Variants in STXBP5L observed in about 807,000 individuals in gnomAD.
The protein encoded by STXBP5L is syntaxin binding protein 5L, also known as syntaxin-binding protein 5-like.
In STXBP5L, 65 loss-of-function variants were observed where a neutral mutation model predicts 144.5. That is an observed-to-expected ratio of 0.45 (90% CI 0.37 to 0.55). The LOEUF is 0.55. Ranked by LOEUF, STXBP5L falls within the 20% of genes least tolerant of loss-of-function variation. STXBP5L has a pLI of 0.00. For synonymous variants in STXBP5L, 505 were observed against 469.6 expected (o/e 1.08, Z -0.97); for missense variants, 1,298 against 1,405.5 (o/e 0.92, Z 1.22).
intron 17 of STXBP5L, among the ~76,000 whole-genome samples, chr3:121,257,815 C>T (rs1444384762): frequency 1.3e-5 from 2 of 152,094 alleles, no homozygotes; most frequent in African/African-American, 4.8e-5. Flanking sequence ...GCTCCAGCTT[C>T]TAGGGAGGCT....
chr3:121,281,396 A>G (rs996701060), intron 19 of STXBP5L, among the ~76,000 whole-genome samples: 1 of 152,052 alleles, frequency 6.6e-6, no homozygotes, highest in African/African-American at 2.4e-5. Context: ...GTACATTCAC[A>G]TAACGTGAGG....
chr3:121,176,987 A>G (rs2046962224), intron 9 of STXBP5L, among the ~76,000 whole-genome samples: 1 of 151,972 alleles, frequency 6.6e-6, no homozygotes, highest in Non-Finnish European at 1.5e-5. Flanking sequence ...TGAAAGACCT[A>G]CTTTGTGTCT....
chr3:121,019,703 C>T lies in STXBP5L; in HGVS notation c.288-21997C>T, dbSNP rs77747508. Among the ~76,000 whole-genome samples the T allele has an allele frequency of 1.2e-4, 18 of 152,286 alleles. No individual in the cohort carries two copies. The East Asian group carries it at 3.3e-3, about 28-fold the overall frequency. ...ATCGCACAGTTTGGCTCTCAGGAAGCTCCACCGCAGGAGAAAGTGGAGAGC... is the reference window on the plus strand; with the variant it reads ...ATCGCACAGTTTGGCTCTCAGGAAGTTCCACCGCAGGAGAAAGTGGAGAGC... On this transcript the variant is annotated intron_variant, in intron 3 of 26. Coordinates refer to ENST00000471454, the MANE Select transcript of STXBP5L (RefSeq NM_001308330.2).
At chr3:120,937,354 A>G (rs929354794) in intron 2 of STXBP5L, among the ~76,000 whole-genome samples, 1 of 152,200 alleles carries the variant, frequency 6.6e-6, no homozygotes, top group Non-Finnish European at 1.5e-5. Context: ...GGTAAAACTC[A>G]CAAAAGTGTA....
intron 18 of STXBP5L, among the ~76,000 whole-genome samples, chr3:121,262,368 G>A (rs529701511): frequency 9.2e-5 from 14 of 152,312 alleles, no homozygotes; most frequent in Admixed American, 4.6e-4. Flanking sequence ...AGTGGCTTAC[G>A]CCTGTAATCC....
At chr3:121,214,226 T>A (rs897566716) in intron 10 of STXBP5L, among the ~76,000 whole-genome samples, 1 of 152,242 alleles carries the variant, frequency 6.6e-6, no homozygotes, top group South Asian at 2.1e-4. Context: ...ACTGTGATCT[T>A]AGTTATTTCT....
At chr3:121,411,489 A>T (rs1184607087) in intron 23 of STXBP5L, among the ~76,000 whole-genome samples, 1 of 152,144 alleles carries the variant, frequency 6.6e-6, no homozygotes, top group African/African-American at 2.4e-5. Flanking sequence ...AAAGGCAATG[A>T]GACTGGTTTT....
At chr3:121,016,660 A>G (rs558474488) in intron 3 of STXBP5L, among the ~76,000 whole-genome samples, 2 of 152,340 alleles carry the variant, frequency 1.3e-5, no homozygotes, top group South Asian at 2.1e-4. Flanking sequence ...GGACTACCAG[A>G]AGCAGAAGAA....
At chr3:121,072,518 C>T (rs916240127) in intron 5 of STXBP5L, among the ~76,000 whole-genome samples, 35 of 152,210 alleles carry the variant, frequency 2.3e-4, no homozygotes, top group Non-Finnish European at 1.0e-4. Flanking sequence ...ATTGCTTCTG[C>T]GATGGCAAGC....
At chr3:121,180,401 C>T (rs185055130) in intron 9 of STXBP5L, among the ~76,000 whole-genome samples, 1 of 152,286 alleles carries the variant, frequency 6.6e-6, no homozygotes, top group African/African-American at 2.4e-5. Context: ...GAATTTGCCA[C>T]TACTACACCA....
intron 3 of STXBP5L, among the ~76,000 whole-genome samples, chr3:121,030,313 A>T (rs531437824): frequency 6.6e-6 from 1 of 152,280 alleles, no homozygotes; most frequent in South Asian, 2.1e-4. Flanking sequence ...GATAAAGAAG[A>T]TGTGGTGCAT....
intron 5 of STXBP5L, among the ~76,000 whole-genome samples, chr3:121,063,416 G>T (rs1237189210): frequency 6.6e-6 from 1 of 152,174 alleles, no homozygotes; most frequent in African/African-American, 2.4e-5. Context: ...GAGCTCTCCT[G>T]TATGAGGTAT....
chr3:121,233,487 C>T (rs1415728628), intron 11 of STXBP5L, 129 bp from the exon 12 acceptor site: 7 of 537,772 alleles, frequency 1.3e-5, no homozygotes, highest in African/African-American at 3.9e-5. Context: ...TTACTTCTTA[C>T]TTTGGCTTAT....
rs569564243 is a variant in STXBP5L at position 121,365,625 on chromosome 3, T to C, written c.2177-13091T>C. 3.5e-3 allele frequency among the ~76,000 whole-genome samples: 527 copies of C among 151,820 alleles called. 1 individual carries two copies. The highest frequency in any genetic ancestry group is 6.7e-3 in the Non-Finnish European group (453 of 67,712). ...GTAGAATCAGCAATAATGTCCCCAT[T>C]TTCACTTCTGATTTTAGTAATTTGA... On this transcript the variant is annotated intron_variant, in intron 20 of 26. Transcript: ENST00000471454.
At chr3:121,291,500 A>G (rs1238728318) in intron 19 of STXBP5L, among the ~76,000 whole-genome samples, 2 of 152,158 alleles carry the variant, frequency 1.3e-5, no homozygotes, top group Non-Finnish European at 2.9e-5. Flanking sequence ...CTACAAATTC[A>G]ATGGAATTTC....
At chr3:121,407,812 C>T (rs1478578806) in intron 23 of STXBP5L, 2 of 644,686 alleles carry the variant, frequency 3.1e-6, no homozygotes, top group South Asian at 2.3e-5. Context: ...GCTAAAAATG[C>T]TTGGCATTGT....
At chr3:120,950,311 C>CA (rs765071145) in intron 2 of STXBP5L, among the ~76,000 whole-genome samples, 6 of 151,980 alleles carry the variant, frequency 3.9e-5, no homozygotes, top group Non-Finnish European at 7.4e-5. Context: ...GCACTCTTTT[C>CA]AAAAATCAAT....
chr3:121,237,835 A>C (rs2049532419), intron 12 of STXBP5L, among the ~76,000 whole-genome samples: 1 of 152,204 alleles, frequency 6.6e-6, no homozygotes. Context: ...GCTACAGTGC[A>C]ACAATGCAGC....
intron 9 of STXBP5L, among the ~76,000 whole-genome samples, chr3:121,174,995 G>A (rs2046877558): frequency 6.6e-6 from 1 of 152,110 alleles, no homozygotes; most frequent in Non-Finnish European, 1.5e-5. Flanking sequence ...TATATGCCAG[G>A]CCTGCACAAC....
Sources: allele counts gnomAD v4.1 joint callset (sites outside exome capture counted in the v4.1 genomes callset), GRCh38; gene constraint gnomAD v4.1.1; transcripts MANE v1.5; gene names NCBI Gene and HGNC (gene_info 2026-07-23, HGNC 2026-07-21).